Variants in PALLD observed in about 807,000 individuals in gnomAD.
The protein encoded by PALLD is palladin.
A neutral mutation model predicts 123.5 loss-of-function variants in PALLD; 61 were observed. That is an observed-to-expected ratio of 0.49 (90% confidence interval 0.40 to 0.61). PALLD has a LOEUF of 0.61. Among genes scored for constraint, PALLD ranks in the 20% least tolerant of loss-of-function variants. The probability of loss-of-function intolerance (pLI) is 0.00; values close to 1 mark genes in which losing one functional copy is unlikely to be tolerated. For missense variants in PALLD, 1,273 were observed against 1,377.0 expected (o/e 0.92, Z 1.20); for synonymous variants, 465 against 496.4 (o/e 0.94, Z 0.84).
chr4:168,592,547 A>G, intron 2 of PALLD, among the ~76,000 whole-genome samples: 1 of 152,208 alleles, frequency 6.6e-6, no homozygotes, highest in Non-Finnish European at 1.5e-5. Context: ...AATTGTTAGA[A>G]GATGCATGCA....
intron 10 of PALLD, among the ~76,000 whole-genome samples, chr4:168,716,100 G>A (rs951192260): frequency 3.9e-5 from 6 of 152,132 alleles, no homozygotes; most frequent in Non-Finnish European, 5.9e-5. Context: ...CACCTCCTAC[G>A]GCAGATCCAA....
chr4:168,889,167 GT>G (rs35959674), intron 10 of PALLD, among the ~76,000 whole-genome samples: 6,088 of 41,268 alleles, frequency 0.15, 394 homozygotes, highest in African/African-American at 0.26. Context: ...TGTGTGTGTG[GT>G]TTTTTTTTTT....
intron 10 of PALLD, among the ~76,000 whole-genome samples, chr4:168,771,049 C>T (rs2150499044): frequency 7.7e-6 from 1 of 129,114 alleles, no homozygotes; most frequent in East Asian, 2.2e-4. Flanking sequence ...GGCAACAGAG[C>T]AAGACTCCAT....
intron 10 of PALLD, among the ~76,000 whole-genome samples, chr4:168,780,919 C>T (rs1735822120): frequency 6.6e-6 from 1 of 152,162 alleles, no homozygotes; most frequent in Non-Finnish European, 1.5e-5. Flanking sequence ...AACTCTTGAC[C>T]TTAGGTGATC....
chr4:168,804,287 A>G (rs547390758), intron 10 of PALLD, among the ~76,000 whole-genome samples: 3 of 152,366 alleles, frequency 2.0e-5, no homozygotes, highest in African/African-American at 4.8e-5. Flanking sequence ...ATGGCTCCAT[A>G]TATTTGCCCA....
intron 10 of PALLD, among the ~76,000 whole-genome samples, chr4:168,888,363 AG>A (rs200787223): frequency 0.011 from 1,709 of 152,276 alleles, 48 homozygotes; most frequent in African/African-American, 0.039. Flanking sequence ...TTCGATGCAC[AG>A]GGTTTACTGA....
At chr4:168,706,344 G>T (rs112068319) in intron 8 of PALLD, among the ~76,000 whole-genome samples, 1 of 152,042 alleles carries the variant, frequency 6.6e-6, no homozygotes, top group African/African-American at 2.4e-5. Flanking sequence ...AGAACATAAA[G>T]AATAAACTAA....
chr4:168,681,187 C>G, intron 3 of PALLD, 145 bp from the exon 4 acceptor site: 2 of 591,166 alleles, frequency 3.4e-6, no homozygotes, highest in South Asian at 1.9e-5. Flanking sequence ...AAAAAATTGT[C>G]TGAGCCTGAA....
intron 15 of PALLD, 143 bp downstream of exon 15, chr4:168,904,049 G>GT: frequency 1.3e-6 from 1 of 792,848 alleles, no homozygotes; most frequent in Non-Finnish European, 2.1e-6. Context: ...ATCCATCTTG[G>GT]TTTCAGAGGA....
intron 3 of PALLD, among the ~76,000 whole-genome samples, chr4:168,680,240 G>A (rs1580927291): frequency 1.3e-5 from 2 of 151,972 alleles, no homozygotes; most frequent in Admixed American, 1.3e-4. Context: ...CACTTTGGGA[G>A]GCCGAGGTGG....
At chr4:168,740,864 C>T (rs1429876037) in intron 10 of PALLD, among the ~76,000 whole-genome samples, 1 of 152,158 alleles carries the variant, frequency 6.6e-6, no homozygotes, top group Non-Finnish European at 1.5e-5. Flanking sequence ...CAACTGCAAA[C>T]GAGTCTAAGA....
intron 10 of PALLD, among the ~76,000 whole-genome samples, chr4:168,761,645 G>GTTTTTTTTTTTGTTTTTTTTT (rs1732877276): frequency 3.4e-5 from 3 of 88,024 alleles, no homozygotes; most frequent in Admixed American, 3.2e-4. Context: ...GTTGTTGTTT[G>GTTTTTTTTTTTGTTTTTTTTT]TTTTTTTTTT....
intron 10 of PALLD, among the ~76,000 whole-genome samples, chr4:168,829,891 T>G (rs1263462504): frequency 6.6e-6 from 1 of 152,192 alleles, no homozygotes; most frequent in African/African-American, 2.4e-5. Context: ...ATGCTTTGTA[T>G]TATCCCCAGA....
chr4:168,729,685 G>A (rs62333920), intron 10 of PALLD, among the ~76,000 whole-genome samples: 8,246 of 152,086 alleles, frequency 0.054, 286 homozygotes, highest in South Asian at 0.09. Flanking sequence ...TGGTTCCTAA[G>A]TGCCATATAT....
At chr4:168,682,572 A>G (rs189420484) in intron 4 of PALLD, among the ~76,000 whole-genome samples, 1 of 152,356 alleles carries the variant, frequency 6.6e-6, no homozygotes, top group African/African-American at 2.4e-5. Flanking sequence ...TAGACTTAAA[A>G]TAGACAACCA....
rs1243638423 is a variant in PALLD at position 168,816,816 on chromosome 4, CCGTG to C, written c.1965-74105_1965-74102del. On this transcript the variant is annotated intron_variant, in intron 10 of 21. Coordinates refer to ENST00000505667, the MANE Select transcript of PALLD (RefSeq NM_001166108.2). ...TCAGAGTGACCTGTTGGAGCTAGCC[CCGTG>C]TGTGTGTGTGTGTGTGTGTGTGTGT... Among the ~76,000 whole-genome samples the C allele has an allele frequency of 9.0e-5, 11 of 122,878 alleles. No homozygotes were observed. The South Asian group carries it at 3.2e-3, about 36-fold the overall frequency. The allele number at this position is 122,878 out of a possible 152,430, so 80.6% of individuals were successfully genotyped here.
At position 168,915,962 on chromosome 4, in the gene PALLD, C is replaced by T. The variant is rs1760000762; in HGVS notation, c.2785C>T (p.His929Tyr). The T allele has an allele frequency of 6.2e-7, 1 of 1,612,986 alleles. No homozygotes were observed. Among genetic ancestry groups the T allele is most frequent in the Non-Finnish European group, 8.5e-7 (1 of 1,178,918 alleles). The change falls in exon 17 of 22, where the codon CAC (histidine) becomes TAC (tyrosine). Residue 929 changes from histidine (H) to tyrosine (Y), a missense_variant. This residue lies in a region of PALLD where 329 missense variants were observed against 422.5 expected (regional missense o/e 0.78). Transcript: ENST00000505667. The part of the protein sequence containing the change: ...EPIQERFFRP[H>Y]FLQAPGDLTV... ...AATTCAGGAGCGATTCTTCAGACCT[C>T]ACTTCTTGCAGGCTCCTGGAGATCT...
intron 10 of PALLD, among the ~76,000 whole-genome samples, chr4:168,826,365 A>G (rs1343385618): frequency 4.6e-5 from 7 of 152,194 alleles, no homozygotes; most frequent in African/African-American, 1.7e-4. Flanking sequence ...CTTTCCATAA[A>G]TATGTATTTT....
At chr4:168,598,377 G>C in intron 2 of PALLD, 1 of 605,924 alleles carries the variant, frequency 1.7e-6, no homozygotes, top group Non-Finnish European at 3.2e-6. Flanking sequence ...AACTTCCTGA[G>C]ACTTGTTAAG....
Sources: allele counts gnomAD v4.1 joint callset (sites outside exome capture counted in the v4.1 genomes callset), GRCh38; gene constraint gnomAD v4.1.1; regional missense constraint gnomAD v4.1.1; transcripts MANE v1.5; gene names NCBI Gene and HGNC (gene_info 2026-07-23, HGNC 2026-07-21).